GPI: variants seen among roughly 807,000 people sequenced by gnomAD.
The protein encoded by GPI is D-hexose-6-phosphate anomerase.
Under a neutral mutation model 75.8 loss-of-function variants are expected in GPI, and 56 were observed. The ratio of observed to expected loss-of-function variants is 0.74; its 90% CI spans 0.60 to 0.92. GPI has a LOEUF of 0.92. Ranked by LOEUF, GPI falls within the 40% of genes least tolerant of loss-of-function variation. The pLI is 0.00. For synonymous variants in GPI, 288 were observed against 285.4 expected, an observed-to-expected ratio of 1.01 and a Z score of -0.09; for missense variants, 638 against 741.0, an observed-to-expected ratio of 0.86 and a Z score of 1.61.
upstream of GPI, among the ~76,000 whole-genome samples, chr19:34,360,194 ACCCC>A (rs1380789969): frequency 6.6e-6 from 1 of 150,954 alleles, no homozygotes; most frequent in Non-Finnish European, 1.5e-5. Flanking sequence ...CAGCTTCACT[ACCCC>A]CCAGGATCCT....
In GPI at chr19:34,396,649, C is replaced by T. The variant is rs1253346928; in HGVS notation, c.1261C>T (p.His421Tyr). ...QTQHPIRKGL[H>Y]HKILLANFLA... ...CCAGCACCCCATACGGAAGGGTCTG[C>T]ATCACAAGGTAAGAGCCCCCATCTG... is the stretch of plus-strand genomic sequence containing the variant. The change falls in exon 14 of 18, where the codon CAT (histidine) becomes TAT (tyrosine). Residue 421 changes from histidine to tyrosine, a missense_variant. His to Tyr is a moderately conservative substitution (Grantham distance 83, BLOSUM62 2). Transcript: ENST00000356487. The T allele has an allele frequency of 6.2e-7, 1 of 1,613,912 alleles. No homozygotes were observed. Among genetic ancestry groups the T allele is most frequent in the South Asian group, 1.1e-5 (1 of 91,058 alleles).
At chr19:34,396,482 C>G (rs373505851) in intron 13 of GPI, 52 bp downstream of exon 13, 5 of 1,613,396 alleles carry the variant, frequency 3.1e-6, no homozygotes, top group South Asian at 2.2e-5. Context: ...AAAGGATCTT[C>G]CAGAAGAGAT....
chr19:34,379,985 GTTTTGTTTTTTTTTTT>G (rs2074619654), intron 8 of GPI: 2 of 127,944 alleles, frequency 1.6e-5, no homozygotes, highest in African/African-American at 7.9e-5. Flanking sequence ...AGTGTGTGTG[GTTTTGTTTTTTTTTTT>G]TTTTTTTTTT....
chr19:34,360,480 T>C (rs1391806222), upstream of GPI, among the ~76,000 whole-genome samples: 1 of 152,158 alleles, frequency 6.6e-6, no homozygotes, highest in East Asian at 1.9e-4. Context: ...ATGCCTGTAG[T>C]TCTAGCTACT....
At position 34,393,574 on chromosome 19, in the gene GPI, C is replaced by G; in HGVS notation, c.866-154C>G. 1.3e-6 allele frequency: 1 copy of G among 766,728 alleles called. No individual in the cohort carries two copies. Among genetic ancestry groups the G allele is most frequent in the Non-Finnish European group, 2.3e-6 (1 of 441,382 alleles). 47.5% of individuals were successfully genotyped at this position (766,728 alleles called of 1,614,324 possible). A position where few individuals can be genotyped will look rare whatever the true frequency, so the allele number is the denominator to read the frequency against. On this transcript the variant is annotated intron_variant, in intron 10 of 17. Transcript: ENST00000356487. The surrounding 1 kb of genome is among the most constrained non-coding windows in gnomAD (Gnocchi z 4.4). ...GTCAGATCCCTGCACTCAGGGCCAC[C>G]TCTCACTGGAGGGGCTTTGTCTAGG...
intron 1 of GPI, 200 bp downstream of exon 1, chr19:34,365,588 CG>C: frequency 1.1e-6 from 1 of 886,548 alleles, no homozygotes; most frequent in Non-Finnish European, 1.8e-6. Context: ...GCAGCCTCGC[CG>C]GGAGTCTCGG....
chr19:34,369,271 AC>A (rs2074414259), intron 4 of GPI, among the ~76,000 whole-genome samples: 1 of 150,940 alleles, frequency 6.6e-6, no homozygotes, highest in East Asian at 2.0e-4. Flanking sequence ...CTGGTCTCAA[AC>A]CCCTGACCTC....
upstream of GPI, among the ~76,000 whole-genome samples, chr19:34,363,534 C>A (rs2074314810): frequency 6.6e-6 from 1 of 151,936 alleles, no homozygotes; most frequent in Admixed American, 6.6e-5. Flanking sequence ...TCAGAACCCC[C>A]GTAGAGGCCA....
Position 34,365,273 on chromosome 19 carries a change from G to A in GPI, c.7G>A (p.Ala3Thr). 1.9e-6 allele frequency: 3 copies of A among 1,573,356 alleles called. No individual in the cohort carries two copies. Among genetic ancestry groups the A allele is most frequent in the Middle Eastern group, 1.7e-4 (1 of 5,920 alleles). MA[A>T]LTRDPQFQKL... ...TGTACCTTCTAGTCCCGCCATGGCCGCTCTCACCCGGGACCCCCAGTTCCA... is the reference window on the plus strand; with the variant it reads ...TGTACCTTCTAGTCCCGCCATGGCCACTCTCACCCGGGACCCCCAGTTCCA... Residue 3 changes from alanine to threonine, a missense_variant, in exon 1 of 18, where the codon GCT (alanine) becomes ACT (threonine). Transcript: ENST00000356487.
chr19:34,381,410 C>A, intron 8 of GPI, 56 bp from the exon 9 acceptor site: 1 of 1,189,688 alleles, frequency 8.4e-7, no homozygotes, highest in Non-Finnish European at 1.3e-6. Flanking sequence ...CTCCTGTTCC[C>A]ATCCCGCTAG....
intron 8 of GPI, 75 bp downstream of exon 8, chr19:34,379,637 C>A: frequency 8.2e-7 from 1 of 1,226,882 alleles, no homozygotes; most frequent in African/African-American, 1.5e-5. Context: ...CTCTCAGAGA[C>A]GCGGTTCGTA....
intron 9 of GPI, chr19:34,392,240 G>GGATCTGGTGC (rs1268963686): frequency 1.3e-5 from 2 of 152,234 alleles, no homozygotes; most frequent in African/African-American, 4.9e-5. Context: ...AATATCTGAA[G>GGATCTGGTGC]AGGTAGGAAT....
chr19:34,365,373 G>A lies in GPI; in HGVS notation c.107G>A (p.Arg36His), dbSNP rs1330345516. ...LRRLFDANKD[R>H]FNHFSLTLNT... ...CGCCTCTTCGATGCCAACAAGGACC[G>A]CTTCAACCACTTCAGGTGCGGGCGG... Residue 36 changes from arginine to histidine, a missense_variant, in exon 1 of 18, where the codon CGC (arginine) becomes CAC (histidine). Transcript: ENST00000356487. 3 of 1,587,604 alleles carry A rather than the reference G, an allele frequency of 1.9e-6. No homozygotes were observed. The highest frequency in any genetic ancestry group is 2.4e-5 in the East Asian group (1 of 42,412).
chr19:34,399,750 C>T lies in GPI; in HGVS notation c.1506C>T (p.Gly502=). ...ATGAGCACAAGATCTTCGTTCAGGG[C>T]ATCATCTGGGACATCAACAGCTTTG... ...AMYEHKIFVQ[G]IIWDINSFDQ... is the part of the protein sequence containing the mutation. Residue 502 remains glycine, a synonymous_variant, in exon 17 of 18, where the codon GGC becomes GGT. Transcript: ENST00000356487. The T allele has an allele frequency of 6.2e-7, 1 of 1,614,014 alleles. No individual in the cohort carries two copies. Among genetic ancestry groups the T allele is most frequent in the Non-Finnish European group, 8.5e-7 (1 of 1,179,972 alleles).
In GPI at chr19:34,400,198, AC is replaced by A; in HGVS notation, c.*167del. On this transcript the variant is annotated 3_prime_UTR_variant, in exon 18 of 18. Transcript: ENST00000356487. Reference sequence around the variant, plus strand: ...GGGAAGGCTGGTCTCCCCCAGCCTAACCCCCAGCCCCTCCATGTCTATGCTC... The same window carrying A: ...GGGAAGGCTGGTCTCCCCCAGCCTAACCCCAGCCCCTCCATGTCTATGCTC... 1 of 735,884 alleles carries A rather than the reference AC, an allele frequency of 1.4e-6. No homozygotes were observed. Among genetic ancestry groups the A allele is most frequent in the Non-Finnish European group, 2.4e-6 (1 of 416,560 alleles). The allele number at this position is 735,884 out of a possible 1,614,324, so 45.6% of individuals were successfully genotyped here.
At chr19:34,394,233 G>T (rs1005930324) in intron 12 of GPI, among the ~76,000 whole-genome samples, 167 bp downstream of exon 12, 2 of 152,152 alleles carry the variant, frequency 1.3e-5, no homozygotes, top group Non-Finnish European at 2.9e-5. Flanking sequence ...TGTAACTGAG[G>T]TTGGTTCCAT....
In GPI at chr19:34,400,347, T is replaced by C. The variant is rs2075004867; in HGVS notation, c.*311T>C. On this transcript the variant is annotated 3_prime_UTR_variant, in exon 18 of 18. Transcript: ENST00000356487. ...CGGAGGAGGTTGTAGGCTCAGCCTC[T>C]GATTTTTTTTTTCCTGTGATGGTGC... The C allele has an allele frequency of 3.4e-6, 2 of 594,984 alleles. No individual in the cohort carries two copies. Among genetic ancestry groups the C allele is most frequent in the Admixed American group, 5.9e-5 (2 of 33,682 alleles). 36.9% of individuals were successfully genotyped at this position (594,984 alleles called of 1,614,324 possible). A position where few individuals can be genotyped will look rare whatever the true frequency, so the allele number is the denominator to read the frequency against.
At chr19:34,381,298 G>T in intron 8 of GPI, 168 bp from the exon 9 acceptor site, 1 of 697,686 alleles carries the variant, frequency 1.4e-6, no homozygotes, top group East Asian at 2.6e-5. Context: ...GGCAGATCCT[G>T]GGCCCTGCCC....
upstream of GPI, among the ~76,000 whole-genome samples, chr19:34,360,412 G>A (rs1196657127): frequency 1.3e-5 from 2 of 152,134 alleles, no homozygotes; most frequent in African/African-American, 4.8e-5. Flanking sequence ...GGGCAACACA[G>A]TGCAACTCAG....
Sources: allele counts gnomAD v4.1 joint callset (sites outside exome capture counted in the v4.1 genomes callset), GRCh38; gene constraint gnomAD v4.1.1; non-coding constraint Gnocchi (gnomAD v3.1); transcripts MANE v1.5; gene names NCBI Gene and HGNC (gene_info 2026-07-23, HGNC 2026-07-21).